The following FMN1 variants were observed in gnomAD, a reference collection of about 807,000 sequenced individuals.
The protein encoded by FMN1 is formin 1.
A neutral mutation model predicts 132.4 loss-of-function variants in FMN1; 110 were observed. That is an observed-to-expected ratio of 0.83 (90% CI 0.71 to 0.97). The LOEUF (loss-of-function observed/expected upper bound fraction) is 0.97, where lower values mean the gene tolerates loss of function less well. Ranked by LOEUF, FMN1 falls within the 50% of genes least tolerant of loss-of-function variation. The pLI, the probability that FMN1 is intolerant of heterozygous loss-of-function variation, is 0.00. For missense variants in FMN1, 1,792 were observed against 1,705.3 expected, an observed-to-expected ratio of 1.05 and a Z score of -0.90; for synonymous variants, 722 against 651.7, an observed-to-expected ratio of 1.11 and a Z score of -1.64.
intron 17 of FMN1, among the ~76,000 whole-genome samples, chr15:32,811,894 C>T (rs994773546): frequency 6.6e-6 from 1 of 152,146 alleles, no homozygotes; most frequent in Non-Finnish European, 1.5e-5. Flanking sequence ...GTGATCCACC[C>T]ACCTCAGCCT....
At chr15:32,966,526 T>C (rs2031247081) in intron 8 of FMN1, among the ~76,000 whole-genome samples, 1 of 152,088 alleles carries the variant, frequency 6.6e-6, no homozygotes. Context: ...AGAAACTTAC[T>C]AAGAAGCTGA....
chr15:33,096,247 A>G (rs1198932237), intron 4 of FMN1, among the ~76,000 whole-genome samples: 1 of 152,218 alleles, frequency 6.6e-6, no homozygotes, highest in African/African-American at 2.4e-5. Context: ...CCTTTGCCTT[A>G]GCTCCATCCC....
intron 15 of FMN1, among the ~76,000 whole-genome samples, chr15:32,890,733 CTTTGG>C (rs927917672): frequency 3.2e-4 from 48 of 152,254 alleles, no homozygotes; most frequent in African/African-American, 1.1e-3. Context: ...TACCAAAGCT[CTTTGG>C]TTTAACTAAG....
intron 3 of FMN1, among the ~76,000 whole-genome samples, chr15:33,168,782 A>G (rs1965206553): frequency 6.6e-6 from 1 of 152,242 alleles, no homozygotes; most frequent in African/African-American, 2.4e-5. Context: ...GGTAATATCT[A>G]AACCAGATCT....
intron 6 of FMN1, among the ~76,000 whole-genome samples, chr15:33,019,041 G>C (rs577634184): frequency 6.6e-6 from 1 of 152,178 alleles, no homozygotes; most frequent in Non-Finnish European, 1.5e-5. Flanking sequence ...AAGAGGACCT[G>C]AGCGGGTTAC....
At chr15:33,062,365 T>C (rs781523725) in intron 6 of FMN1, among the ~76,000 whole-genome samples, 1 of 152,156 alleles carries the variant, frequency 6.6e-6, no homozygotes, top group Non-Finnish European at 1.5e-5. Flanking sequence ...CTCACACCTG[T>C]AATCCCAGCA....
At chr15:32,798,729 C>T in intron 19 of FMN1, 75 bp downstream of exon 19, 1 of 1,288,834 alleles carries the variant, frequency 7.8e-7, no homozygotes, top group Non-Finnish European at 1.1e-6. Flanking sequence ...GTGAAATAGA[C>T]ACACTTTGAT....
intron 6 of FMN1, among the ~76,000 whole-genome samples, chr15:33,026,580 T>A (rs1229551969): frequency 6.6e-6 from 1 of 152,230 alleles, no homozygotes; most frequent in Admixed American, 6.5e-5. Flanking sequence ...TGATTTTATA[T>A]CATGATTATA....
At chr15:32,921,766 C>T (rs937537270) in intron 10 of FMN1, among the ~76,000 whole-genome samples, 1 of 151,150 alleles carries the variant, frequency 6.6e-6, no homozygotes, top group South Asian at 2.1e-4. Context: ...ACCTCCTACG[C>T]TCAAGCAATT....
chr15:32,901,160 A>AAAG (rs796149487), intron 13 of FMN1, among the ~76,000 whole-genome samples: 3 of 152,046 alleles, frequency 2.0e-5, no homozygotes, highest in African/African-American at 7.3e-5. Flanking sequence ...GTCTCAAAAA[A>AAAG]AAAGAAAGAA....
At chr15:32,964,305 G>A in intron 8 of FMN1, 48 bp from the exon 9 acceptor site, 2 of 1,321,722 alleles carry the variant, frequency 1.5e-6, no homozygotes, top group Non-Finnish European at 2.1e-6. Context: ...AAACAGGAAG[G>A]AATGTAATAC....
At chr15:33,174,907 C>G (rs895976991) in intron 3 of FMN1, among the ~76,000 whole-genome samples, 2 of 152,180 alleles carry the variant, frequency 1.3e-5, no homozygotes, top group African/African-American at 4.8e-5. Context: ...ATTTCTTTTT[C>G]AAATCTGGGT....
At chr15:33,123,760 T>C (rs938742396) in intron 4 of FMN1, among the ~76,000 whole-genome samples, 1 of 152,220 alleles carries the variant, frequency 6.6e-6, no homozygotes, top group Non-Finnish European at 1.5e-5. Context: ...TTGGCTCCAC[T>C]ACGTAAAGTT....
At chr15:33,124,037 T>C (rs1022024993) in intron 4 of FMN1, among the ~76,000 whole-genome samples, 1 of 152,182 alleles carries the variant, frequency 6.6e-6, no homozygotes, top group African/African-American at 2.4e-5. Flanking sequence ...ACTGGGGAAC[T>C]ACTCTCTAGA....
At chr15:33,148,767 C>T (rs1205874507) in intron 4 of FMN1, among the ~76,000 whole-genome samples, 1 of 152,108 alleles carries the variant, frequency 6.6e-6, no homozygotes, top group African/African-American at 2.4e-5. Flanking sequence ...TGCTTTCTTC[C>T]GTTGGTTTCT....
At chr15:33,048,621 G>C (rs1047832792) in intron 6 of FMN1, among the ~76,000 whole-genome samples, 1 of 23,224 alleles carries the variant, frequency 4.3e-5, no homozygotes, top group African/African-American at 1.4e-4. Flanking sequence ...CTCGAGACTG[G>C]GCAATTTACC....
At chr15:32,981,223 G>C (rs1318601549) in intron 7 of FMN1, among the ~76,000 whole-genome samples, 2 of 152,052 alleles carry the variant, frequency 1.3e-5, no homozygotes, top group Non-Finnish European at 2.9e-5. Context: ...TGGGTGCGGT[G>C]GCTCACGCCT....
intron 7 of FMN1, among the ~76,000 whole-genome samples, chr15:33,000,565 G>A (rs758869689): frequency 3.3e-5 from 5 of 151,882 alleles, no homozygotes; most frequent in African/African-American, 7.3e-5. Flanking sequence ...CAGATGGCTC[G>A]TGCCCAAGAG....
intron 4 of FMN1, among the ~76,000 whole-genome samples, chr15:33,093,108 C>T (rs1026182308): frequency 5.9e-5 from 9 of 152,208 alleles, no homozygotes; most frequent in Non-Finnish European, 2.9e-5. Context: ...AATTACAGTG[C>T]CTTTTAAGCT....
Sources: allele counts gnomAD v4.1 joint callset (sites outside exome capture counted in the v4.1 genomes callset), GRCh38; gene constraint gnomAD v4.1.1; transcripts MANE v1.5; gene names NCBI Gene and HGNC (gene_info 2026-07-23, HGNC 2026-07-21).